GPHN: variants seen among roughly 807,000 people sequenced by gnomAD.
GPHN encodes the protein gephyrin.
A neutral mutation model predicts 95.5 loss-of-function variants in GPHN; 17 were observed. The ratio of observed to expected loss-of-function variants is 0.18; its 90% CI spans 0.12 to 0.27. The LOEUF (loss-of-function observed/expected upper bound fraction) is 0.27. Among genes scored for constraint, GPHN ranks in the 10% least tolerant of loss-of-function variants. The probability of loss-of-function intolerance (pLI) is 1.00; values close to 1 mark genes in which losing one functional copy is unlikely to be tolerated. For missense variants in GPHN, 660 were observed against 978.1 expected, an observed-to-expected ratio of 0.67 and a Z score of 4.34; for synonymous variants, 320 against 322.5, an observed-to-expected ratio of 0.99 and a Z score of 0.08.
intron 2 of GPHN, among the ~76,000 whole-genome samples, chr14:66,696,048 T>C (rs909211776): frequency 6.6e-6 from 1 of 152,172 alleles, no homozygotes; most frequent in African/African-American, 2.4e-5. Flanking sequence ...TCAGTGGTAA[T>C]AAATGTGCCA....
chr14:67,279,128 A>C, the GPHN span: 7 of 1,499,500 alleles, frequency 4.7e-6, no homozygotes, highest in Non-Finnish European at 5.3e-6. Context: ...GCTTATAGGA[A>C]AAATTGATTT....
chr14:67,422,881 G>A, the GPHN span, among the ~76,000 whole-genome samples: 22 of 149,168 alleles, frequency 1.5e-4, no homozygotes, highest in African/African-American at 5.2e-4. Flanking sequence ...GCCCAGGCTG[G>A]AGTACAATGG....
At chr14:66,749,070 G>C (rs1196619305) in intron 2 of GPHN, among the ~76,000 whole-genome samples, 1 of 151,834 alleles carries the variant, frequency 6.6e-6, no homozygotes, top group Non-Finnish European at 1.5e-5. Context: ...CTATAGTTTT[G>C]CTTTTTCCAA....
At chr14:67,539,358 G>C in the GPHN span, among the ~76,000 whole-genome samples, 126 of 152,304 alleles carry the variant, frequency 8.3e-4, no homozygotes, top group African/African-American at 3.0e-3. Flanking sequence ...TCACAATGCA[G>C]GGATTGTTTA....
the GPHN span, among the ~76,000 whole-genome samples, chr14:67,412,917 A>G: frequency 6.6e-6 from 1 of 151,944 alleles, no homozygotes; most frequent in South Asian, 2.1e-4. Context: ...GTGCACCACC[A>G]TGCCTGGCTG....
intron 1 of GPHN, among the ~76,000 whole-genome samples, chr14:66,638,486 A>G (rs1172499488): frequency 6.6e-6 from 1 of 152,156 alleles, no homozygotes; most frequent in East Asian, 1.9e-4. Context: ...ACAATGAAAT[A>G]AAAGGAAAAT....
chr14:67,406,907 G>A, the GPHN span, among the ~76,000 whole-genome samples: 4 of 152,166 alleles, frequency 2.6e-5, no homozygotes, highest in African/African-American at 9.7e-5. Flanking sequence ...TTGTCCCTGG[G>A]CAGAGAGTAG....
At chr14:67,096,212 T>G (rs17248252) in intron 12 of GPHN, among the ~76,000 whole-genome samples, 49,012 of 151,998 alleles carry the variant, frequency 0.32, 12,494 homozygotes, top group African/African-American at 0.69. Flanking sequence ...AGAGTAAGGT[T>G]GAGAACATAG....
At chr14:67,118,719 G>A (rs934375278) in intron 16 of GPHN, among the ~76,000 whole-genome samples, 51 of 151,574 alleles carry the variant, frequency 3.4e-4, no homozygotes, top group African/African-American at 1.1e-3. Flanking sequence ...GCGACAGAGC[G>A]AGACTCCGTC....
At chr14:67,614,618 T>C in the GPHN span, among the ~76,000 whole-genome samples, 2 of 151,790 alleles carry the variant, frequency 1.3e-5, no homozygotes, top group African/African-American at 4.8e-5. Flanking sequence ...AAAAATTTGC[T>C]GGGTATGGTG....
At chr14:67,466,793 G>A in the GPHN span, among the ~76,000 whole-genome samples, 1 of 152,104 alleles carries the variant, frequency 6.6e-6, no homozygotes, top group African/African-American at 2.4e-5. Context: ...AGGAGCTCAA[G>A]ACTAGCCTGG....
At chr14:67,671,104 C>T in the GPHN span, among the ~76,000 whole-genome samples, 2 of 152,146 alleles carry the variant, frequency 1.3e-5, no homozygotes, top group South Asian at 4.1e-4. Flanking sequence ...ATTCAACAAA[C>T]ATTTATTGAG....
the GPHN span, among the ~76,000 whole-genome samples, chr14:67,610,248 C>T: frequency 6.6e-6 from 1 of 152,182 alleles, no homozygotes. Flanking sequence ...TGCTACTAGT[C>T]TTGCAAGCTA....
chr14:67,632,778 T>C, the GPHN span, among the ~76,000 whole-genome samples: 1 of 151,792 alleles, frequency 6.6e-6, no homozygotes, highest in Non-Finnish European at 1.5e-5. Flanking sequence ...TCTCTTTCTT[T>C]ATTTTCAACA....
the GPHN span, among the ~76,000 whole-genome samples, chr14:67,565,779 C>G: frequency 7.9e-4 from 120 of 152,236 alleles, no homozygotes; most frequent in African/African-American, 2.6e-3. Context: ...CACCACTGCT[C>G]GGGAGACCTG....
At chr14:67,225,021 C>T in the GPHN span, 2 of 1,108,348 alleles carry the variant, frequency 1.8e-6, no homozygotes, top group African/African-American at 3.3e-5. Flanking sequence ...CCTTCTGTGC[C>T]TTTTTTTTCC....
At chr14:66,754,985 CAAATA>C (rs1164916507) in intron 2 of GPHN, among the ~76,000 whole-genome samples, 2 of 152,116 alleles carry the variant, frequency 1.3e-5, no homozygotes, top group East Asian at 1.9e-4. Context: ...ATCCTGCACT[CAAATA>C]AAACATTAAT....
intron 1 of GPHN, among the ~76,000 whole-genome samples, chr14:66,532,371 G>C (rs141929935): frequency 6.6e-6 from 1 of 152,116 alleles, no homozygotes; most frequent in Non-Finnish European, 1.5e-5. Flanking sequence ...TGATAGTTGG[G>C]TTATAAGAAG....
the GPHN span, among the ~76,000 whole-genome samples, chr14:67,453,716 G>C: frequency 7.9e-5 from 12 of 152,276 alleles, no homozygotes; most frequent in Middle Eastern, 6.8e-3. Flanking sequence ...AAATGTGCAT[G>C]TAGGGCCACC....
Sources: gnomAD v4.1 joint callset for allele counts (sites outside exome capture counted in the v4.1 genomes callset) on GRCh38, gnomAD v4.1.1 for gene constraint, MANE v1.5 for transcripts, NCBI Gene and HGNC (gene_info 2026-07-23, HGNC 2026-07-21) for gene names.